CES1: variants seen among roughly 807,000 people sequenced by gnomAD.
CES1 encodes carboxylesterase 1.
In CES1, 50 loss-of-function variants were observed where a neutral mutation model predicts 53.0. That is an observed-to-expected ratio of 0.94 (90% confidence interval 0.75 to 1.19). The LOEUF (loss-of-function observed/expected upper bound fraction) is 1.19. Among genes scored for constraint, CES1 ranks in the 50% most tolerant of loss-of-function variants. The pLI, the probability that CES1 is intolerant of heterozygous loss-of-function variation, is 0.00. For missense variants in CES1, 534 were observed against 538.0 expected (o/e 0.99, Z 0.07); for synonymous variants, 202 against 210.1 (o/e 0.96, Z 0.33).
chr16:55,828,364 A>G (rs2032498195), intron 2 of CES1, among the ~76,000 whole-genome samples: 1 of 152,318 alleles, frequency 6.6e-6, no homozygotes, highest in Admixed American at 6.5e-5. Flanking sequence ...AGACAGCAGA[A>G]TTCATGGGAT....
intron 1 of CES1, among the ~76,000 whole-genome samples, chr16:55,832,032 C>G (rs1385274857): frequency 6.6e-6 from 1 of 152,246 alleles, no homozygotes; most frequent in Non-Finnish European, 1.5e-5. Flanking sequence ...AGAGCCCACA[C>G]CCCAACTGCC....
chr16:55,813,187 G>T (rs570470067), intron 8 of CES1, 144 bp from the exon 9 acceptor site: 309 of 1,143,652 alleles, frequency 2.7e-4, no homozygotes, highest in South Asian at 2.3e-3. Flanking sequence ...CCTAACTTAG[G>T]GGGGTAGGTC....
intron 9 of CES1, 40 bp from the exon 10 acceptor site, chr16:55,811,050 G>A: frequency 6.6e-7 from 1 of 1,504,654 alleles, no homozygotes; most frequent in South Asian, 1.1e-5. Context: ...GAATCATTGG[G>A]AATTAATGAT....
At chr16:55,832,552 C>T (rs2032723917) in intron 1 of CES1, among the ~76,000 whole-genome samples, 1 of 152,200 alleles carries the variant, frequency 6.6e-6, no homozygotes, top group Non-Finnish European at 1.5e-5. Flanking sequence ...GAGGGGGTAA[C>T]CCAAGCACGG....
chr16:55,812,841 A>T (rs1213331933), intron 9 of CES1, 62 bp downstream of exon 9: 19 of 1,608,730 alleles, frequency 1.2e-5, no homozygotes, highest in Non-Finnish European at 1.5e-5. Context: ...CATTCCTGGG[A>T]CCAGAGACAG....
intron 1 of CES1, among the ~76,000 whole-genome samples, chr16:55,832,788 T>C (rs2032734392): frequency 1.3e-5 from 2 of 152,228 alleles, no homozygotes; most frequent in Admixed American, 1.3e-4. Context: ...GGGCGAGCAG[T>C]ACAGGGCGAT....
rs778854391 is a variant in CES1 at position 55,810,577 on chromosome 16, C to A, written c.1258G>T (p.Asp420Tyr). ...DTVKKKDLFL[D>Y]LIADVMFGVP... ...CCAAACATCACATCTGCTATCAAGT[C>A]CAGGAACAGGTCTTTCTTTTTGACA... Residue 420 changes from aspartate to tyrosine, a missense_variant, in exon 11 of 14, where the codon GAC becomes TAC. Physicochemically the swap from Asp to Tyr is radical, Grantham distance 160. Coordinates refer to ENST00000360526, the MANE Select transcript of CES1 (RefSeq NM_001025195.2). The A allele has an allele frequency of 2.2e-5, 36 of 1,614,058 alleles. No individual in the cohort carries two copies. Among genetic ancestry groups the A allele is most frequent in the Non-Finnish European group, 2.9e-5 (34 of 1,180,038 alleles).
At chr16:55,827,277 CAATAATAATAATAATAAT>C (rs57486989) in intron 2 of CES1, among the ~76,000 whole-genome samples, 1 of 143,796 alleles carries the variant, frequency 7.0e-6, no homozygotes, top group Non-Finnish European at 1.5e-5. Flanking sequence ...AGAGGAATAA[CAATAATAATAATAATAAT>C]AATAATAATA....
At position 55,820,811 on chromosome 16, in the gene CES1, C is replaced by A. The variant is rs200152121; in HGVS notation, c.694-332G>T. Reference sequence around the variant, plus strand: ...GCTCCATCCCTCCTTCCTCTGCCTGCCTCCCCTAGCCCACTGGACCCCACA... The same window carrying A: ...GCTCCATCCCTCCTTCCTCTGCCTGACTCCCCTAGCCCACTGGACCCCACA... On this transcript the variant is annotated intron_variant, in intron 5 of 13. Transcript: ENST00000360526. 6.6e-5 allele frequency among the ~76,000 whole-genome samples: 10 copies of A among 152,220 alleles called. No individual in the cohort carries two copies. In the East Asian group the frequency reaches 9.6e-4, roughly 15 times the overall value.
chr16:55,817,744 C>T (rs1375846620), intron 7 of CES1, among the ~76,000 whole-genome samples: 5 of 151,192 alleles, frequency 3.3e-5, no homozygotes, highest in African/African-American at 1.2e-4. Flanking sequence ...GTATGTGTTT[C>T]TCTGTGTGTG....
chr16:55,820,457 T>A lies in CES1; in HGVS notation c.716A>T (p.Asn239Ile), dbSNP rs2032127700. The A allele has an allele frequency of 6.3e-7, 1 of 1,586,310 alleles. No homozygotes were observed. Among genetic ancestry groups the A allele is most frequent in the Non-Finnish European group, 8.6e-7 (1 of 1,163,038 alleles). ...SVLVLSPLAK[N>I]LFHRAISESG... is the part of the protein sequence containing the mutation. ...CTCAGAAATGGCCCGGTGGAAGAGG[T>A]TCTTGGCCAATGGAGACAAAACCTG... is the stretch of plus-strand genomic sequence containing the variant. Residue 239 changes from asparagine to isoleucine, a missense_variant, in exon 6 of 14, where the codon AAC becomes ATC. Around this residue, in one of 5 missense-constraint regions of CES1, gnomAD observed 12 missense variants for 37.2 expected, o/e 0.32. Transcript: ENST00000360526.
At chr16:55,812,869 G>A (rs2031760821) in intron 9 of CES1, 34 bp downstream of exon 9, 1 of 1,613,212 alleles carries the variant, frequency 6.2e-7, no homozygotes, top group East Asian at 2.2e-5. Flanking sequence ...GATGGGGGTG[G>A]TTGAGTCCCT....
At chr16:55,817,142 C>A (rs569904331) in intron 7 of CES1, among the ~76,000 whole-genome samples, 180 bp from the exon 8 acceptor site, 1 of 152,298 alleles carries the variant, frequency 6.6e-6, no homozygotes, top group Non-Finnish European at 1.5e-5. Context: ...GATGGGCATA[C>A]ACTCATGTCA....
At chr16:55,812,717 G>T (rs559886068) in intron 9 of CES1, among the ~76,000 whole-genome samples, 186 bp downstream of exon 9, 1 of 152,224 alleles carries the variant, frequency 6.6e-6, no homozygotes, top group Non-Finnish European at 1.5e-5. Flanking sequence ...GAATCCCAGG[G>T]CCCTGATACC....
intron 1 of CES1, among the ~76,000 whole-genome samples, chr16:55,829,613 G>A (rs1248079345): frequency 6.6e-6 from 1 of 152,254 alleles, no homozygotes; most frequent in Non-Finnish European, 1.5e-5. Context: ...GAGCCTGCCT[G>A]GGGAAGGGGG....
At chr16:55,810,414 T>G in intron 11 of CES1, 103 bp downstream of exon 11, 1 of 1,474,940 alleles carries the variant, frequency 6.8e-7, no homozygotes, top group Admixed American at 1.7e-5. Flanking sequence ...CTTTGAGGCC[T>G]GACCCTCAGC....
At chr16:55,832,345 G>A (rs2032715287) in intron 1 of CES1, among the ~76,000 whole-genome samples, 1 of 152,200 alleles carries the variant, frequency 6.6e-6, no homozygotes, top group Admixed American at 6.5e-5. Context: ...AATGGCAAGA[G>A]GTCCTGATAT....
At chr16:55,828,283 T>C (rs2032494877) in intron 2 of CES1, 1 of 250,426 alleles carries the variant, frequency 4.0e-6, no homozygotes, top group Non-Finnish European at 8.0e-6. Context: ...ACTTGCCGAG[T>C]GGACACCTCA....
chr16:55,821,718 T>G (rs2032206770), intron 4 of CES1, among the ~76,000 whole-genome samples, 197 bp from the exon 5 acceptor site: 1 of 152,236 alleles, frequency 6.6e-6, no homozygotes, highest in African/African-American at 2.4e-5. Context: ...AACTATTTAC[T>G]GAGCATCTAC....
Sources: allele counts gnomAD v4.1 joint callset (sites outside exome capture counted in the v4.1 genomes callset), GRCh38; gene constraint gnomAD v4.1.1; regional missense constraint gnomAD v4.1.1; transcripts MANE v1.5; gene names NCBI Gene and HGNC (gene_info 2026-07-23, HGNC 2026-07-21).